Variants in KIRREL3 observed in about 807,000 individuals in gnomAD.
KIRREL3 encodes kirre like nephrin family adhesion molecule 3, also known as kin of IRRE-like protein 3.
In KIRREL3, 36 loss-of-function variants were observed where a neutral mutation model predicts 89.7. The observed-to-expected ratio is 0.40, with a 90% CI of 0.31 to 0.53. The LOEUF (loss-of-function observed/expected upper bound fraction) is 0.53, where lower values mean the gene tolerates loss of function less well. Among genes scored for constraint, KIRREL3 ranks in the 20% least tolerant of loss-of-function variants. The pLI, the probability that KIRREL3 is intolerant of heterozygous loss-of-function variation, is 0.49. For synonymous variants in KIRREL3, 445 were observed against 441.4 expected (o/e 1.01, Z -0.10); for missense variants, 864 against 1,056.6 (o/e 0.82, Z 2.53).
At chr11:126,633,176 C>A (rs747392717) in intron 1 of KIRREL3, among the ~76,000 whole-genome samples, 3 of 152,014 alleles carry the variant, frequency 2.0e-5, no homozygotes, top group Non-Finnish European at 4.4e-5. Flanking sequence ...ATGCCGAGTC[C>A]CAAGTCTCGT....
chr11:126,767,530 C>T (rs1411946046), intron 1 of KIRREL3, among the ~76,000 whole-genome samples: 1 of 152,150 alleles, frequency 6.6e-6, no homozygotes, highest in Non-Finnish European at 1.5e-5. Flanking sequence ...TGCTTGTTGG[C>T]TGTGTATAAT....
intron 2 of KIRREL3, among the ~76,000 whole-genome samples, chr11:126,560,284 C>T (rs1940019188): frequency 6.6e-6 from 1 of 152,126 alleles, no homozygotes; most frequent in African/African-American, 2.4e-5. Flanking sequence ...CACACACGCA[C>T]ACACACACAT....
At chr11:126,882,690 G>A (rs1017908575) in intron 1 of KIRREL3, among the ~76,000 whole-genome samples, 7 of 152,138 alleles carry the variant, frequency 4.6e-5, no homozygotes, top group African/African-American at 1.4e-4. Context: ...TGACATTCTC[G>A]ACTGCCTAAA....
chr11:126,937,862 G>T (rs1948271282), intron 1 of KIRREL3, among the ~76,000 whole-genome samples: 1 of 152,202 alleles, frequency 6.6e-6, no homozygotes, highest in South Asian at 2.1e-4. Flanking sequence ...TTGCACCACT[G>T]CACTCCAGCC....
Position 126,723,413 on chromosome 11 carries a change from C to G in KIRREL3, c.56-160501G>C, listed in dbSNP as rs952383296. Among the ~76,000 whole-genome samples, 24 of 152,152 alleles carry G rather than the reference C, an allele frequency of 1.6e-4. No individual in the cohort carries two copies. Among genetic ancestry groups the G allele is most frequent in the African/African-American group, 5.6e-4 (23 of 41,432 alleles). The stretch of plus-strand genomic sequence containing the variant: ...AGGGGACAGGCTCTGTTTCATTTCA[C>G]TCTACCATAAAGAGGTAACAATTTA... On this transcript the variant is annotated intron_variant, in intron 1 of 16. Transcript: ENST00000525144. This position sits in a 1 kb window ranked among gnomAD's most constrained non-coding sequence, Gnocchi z 4.0.
In KIRREL3 at chr11:126,551,652, C is replaced by CTTTT. The variant is rs35323126; in HGVS notation, c.133+11179_133+11182dup. Among the ~76,000 whole-genome samples the CTTTT allele has an allele frequency of 2.2e-5, 3 of 135,954 alleles. No individual in the cohort carries two copies. The highest frequency in any genetic ancestry group is 3.1e-5 in the Non-Finnish European group (2 of 63,510). The allele number at this position is 135,954 out of a possible 152,430, so 89.2% of individuals were successfully genotyped here. A position where few individuals can be genotyped will look rare whatever the true frequency, so the allele number is the denominator to read the frequency against. Reference sequence around the variant, plus strand: ...GGGTGAGGCCACTCAGGTTTGCAGGCTTTTTTTTTTTTTTTTGAGACAGAG... The same window carrying CTTTT: ...GGGTGAGGCCACTCAGGTTTGCAGGCTTTTTTTTTTTTTTTTTTTTGAGACAGAG... On this transcript the variant is annotated intron_variant, in intron 2 of 16. Coordinates refer to ENST00000525144, the MANE Select transcript of KIRREL3 (RefSeq NM_032531.4). The surrounding 1 kb of genome is among the most constrained non-coding windows in gnomAD (Gnocchi z 4.9).
chr11:126,681,138 T>A (rs1946434961), intron 1 of KIRREL3, among the ~76,000 whole-genome samples: 1 of 152,118 alleles, frequency 6.6e-6, no homozygotes. Context: ...GGTGGCAAAA[T>A]GTGAGAAATA....
chr11:126,568,423 G>C lies in KIRREL3; in HGVS notation c.56-5511C>G, dbSNP rs1940677245. Among the ~76,000 whole-genome samples, 2 of 152,228 alleles carry C rather than the reference G, an allele frequency of 1.3e-5. No homozygotes were observed. Among genetic ancestry groups the C allele is most frequent in the Non-Finnish European group, 2.9e-5 (2 of 68,032 alleles). On this transcript the variant is annotated intron_variant, in intron 1 of 16. Transcript: ENST00000525144. The surrounding 1 kb of genome is among the most constrained non-coding windows in gnomAD (Gnocchi z 4.6). Reference sequence around the variant, plus strand: ...GATGGCCAGAGATCAGAAAGCAAGGGAAGGACCCTCAGTTTTATCCTGACA... The same window carrying C: ...GATGGCCAGAGATCAGAAAGCAAGGCAAGGACCCTCAGTTTTATCCTGACA...
At chr11:126,964,814 GC>G (rs1387295492) in intron 1 of KIRREL3, among the ~76,000 whole-genome samples, 1 of 152,116 alleles carries the variant, frequency 6.6e-6, no homozygotes, top group East Asian at 1.9e-4. Context: ...GTCAATATTT[GC>G]CCCAAGGTGA....
At chr11:126,770,066 A>G (rs903574452) in intron 1 of KIRREL3, among the ~76,000 whole-genome samples, 1 of 151,936 alleles carries the variant, frequency 6.6e-6, no homozygotes, top group African/African-American at 2.4e-5. Flanking sequence ...TTTCTCCCGC[A>G]ATTCCAAGCC....
rs775030653 is a variant in KIRREL3 at position 126,442,348 on chromosome 11, ACAC to A, written c.1253-1802_1253-1800del. ...CACACACACACACACACACACACACACACACAAAACCTTTTCCTTGTGCTTCCC... is the reference window on the plus strand; with the variant it reads ...CACACACACACACACACACACACACAACAAAACCTTTTCCTTGTGCTTCCC... On this transcript the variant is annotated intron_variant, in intron 10 of 16. Coordinates refer to ENST00000525144, the MANE Select transcript of KIRREL3 (RefSeq NM_032531.4). Among the ~76,000 whole-genome samples, 349 of 142,562 alleles carry A rather than the reference ACAC, an allele frequency of 2.4e-3. 2 individuals are homozygous for A. Among genetic ancestry groups the A allele is most frequent in the African/African-American group, 6.5e-3 (241 of 37,072 alleles). The allele number at this position is 142,562 out of a possible 152,430, so 93.5% of individuals were successfully genotyped here. A position where few individuals can be genotyped will look rare whatever the true frequency, so the allele number is the denominator to read the frequency against.
At chr11:126,911,135 GAGAA>G (rs1946799299) in intron 1 of KIRREL3, among the ~76,000 whole-genome samples, 1 of 152,186 alleles carries the variant, frequency 6.6e-6, no homozygotes, top group Non-Finnish European at 1.5e-5. Flanking sequence ...ATGACACAGA[GAGAA>G]AGAGAGGGTG....
chr11:126,688,479 T>G (rs1946751104), intron 1 of KIRREL3, among the ~76,000 whole-genome samples: 1 of 152,208 alleles, frequency 6.6e-6, no homozygotes, highest in African/African-American at 2.4e-5. Flanking sequence ...TTTTTTCTTT[T>G]TTTTCTAGGA....
intron 1 of KIRREL3, among the ~76,000 whole-genome samples, chr11:126,847,360 TTC>T (rs1273605643): frequency 6.6e-6 from 1 of 152,118 alleles, no homozygotes; most frequent in Non-Finnish European, 1.5e-5. Context: ...GTAACCACAT[TTC>T]TTTGTTAGTC....
intron 1 of KIRREL3, among the ~76,000 whole-genome samples, chr11:126,863,917 C>T (rs552945877): frequency 2.2e-4 from 34 of 152,266 alleles, no homozygotes; most frequent in Non-Finnish European, 4.4e-4. Flanking sequence ...TTTCCTAGAG[C>T]CAGGGGGCCA....
rs1342135648 is a variant in KIRREL3, at chr11:126,513,915, C to T, written c.433+7400G>A. Among the ~76,000 whole-genome samples the T allele has an allele frequency of 1.3e-5, 2 of 152,132 alleles. No individual in the cohort carries two copies. The highest frequency in any genetic ancestry group is 2.9e-5 in the Non-Finnish European group (2 of 68,034). On this transcript the variant is annotated intron_variant, in intron 4 of 16. Transcript: ENST00000525144. This position sits in a 1 kb window ranked among gnomAD's most constrained non-coding sequence, Gnocchi z 5.9. ...TATAATATAACTTAGAGGTGAGAGA[C>T]TATATGTCAGCCTCAGATACCCTTC...
chr11:126,828,157 C>T (rs1474374632), intron 1 of KIRREL3, among the ~76,000 whole-genome samples: 1 of 152,198 alleles, frequency 6.6e-6, no homozygotes, highest in African/African-American at 2.4e-5. Context: ...AGAGGTAATT[C>T]ATCCGATTCT....
In KIRREL3 at chr11:126,643,751, G is replaced by A. The variant is rs1400933058; in HGVS notation, c.56-80839C>T. On this transcript the variant is annotated intron_variant, in intron 1 of 16. Transcript: ENST00000525144. This position sits in a 1 kb window ranked among gnomAD's most constrained non-coding sequence, Gnocchi z 4.5. ...CAGTAATCTCAGTGAGATTACGTGAGGATTTTAACAAAGCTGGTGACAGTA... is the reference window on the plus strand; with the variant it reads ...CAGTAATCTCAGTGAGATTACGTGAAGATTTTAACAAAGCTGGTGACAGTA... Among the ~76,000 whole-genome samples the A allele has an allele frequency of 6.6e-6, 1 of 152,088 alleles. No homozygotes were observed. The highest frequency in any genetic ancestry group is 1.5e-5 in the Non-Finnish European group (1 of 68,022).
intron 1 of KIRREL3, among the ~76,000 whole-genome samples, chr11:126,604,828 C>T (rs1942820745): frequency 2.0e-5 from 3 of 152,192 alleles, no homozygotes; most frequent in Admixed American, 6.5e-5. Context: ...GCTAGACTCA[C>T]CCCAGAGCTG....
Sources: allele counts gnomAD v4.1 joint callset (sites outside exome capture counted in the v4.1 genomes callset), GRCh38; gene constraint gnomAD v4.1.1; non-coding constraint Gnocchi (gnomAD v3.1); transcripts MANE v1.5; gene names NCBI Gene and HGNC (gene_info 2026-07-23, HGNC 2026-07-21).